The following SLC43A3 variants were observed in gnomAD, a reference collection of about 807,000 sequenced individuals.
SLC43A3 encodes the protein equilibrative nucleobase transporter 1.
In SLC43A3, 33 loss-of-function variants were observed where a neutral mutation model predicts 53.3. That is an observed-to-expected ratio of 0.62 (90% confidence interval 0.47 to 0.83). The LOEUF (loss-of-function observed/expected upper bound fraction) is 0.83, where lower values mean the gene tolerates loss of function less well. Among genes scored for constraint, SLC43A3 ranks in the 40% least tolerant of loss-of-function variants. The pLI, the probability that SLC43A3 is intolerant of heterozygous loss-of-function variation, is 0.00. For synonymous variants in SLC43A3, 236 were observed against 246.2 expected, an observed-to-expected ratio of 0.96 and a Z score of 0.39; for missense variants, 530 against 610.0, an observed-to-expected ratio of 0.87 and a Z score of 1.38.
chr11:57,409,005 T>C (rs1942329542), intron 13 of SLC43A3, among the ~76,000 whole-genome samples, 170 bp downstream of exon 13: 1 of 152,214 alleles, frequency 6.6e-6, no homozygotes, highest in African/African-American at 2.4e-5. Flanking sequence ...TACTCCAGAA[T>C]GTCTGTTTCC....
Position 57,410,116 on chromosome 11 carries a change from A to G in SLC43A3, c.1066T>C (p.Ser356Pro). ...YQKEARKTGS[S>P]TLAVALCSTV... is the part of the protein sequence containing the mutation. ...GAGCAGAGGGCCACCGCCAAAGTGG[A>G]GGAACCTGGGCGAACAGAGAGGAAA... Residue 356 changes from serine to proline, a missense_variant, in exon 12 of 14, where the codon TCC (serine) becomes CCC (proline). By Grantham distance (74) the Ser-to-Pro change is moderately conservative. This residue lies in a region of SLC43A3 where 376 missense variants were observed against 386.7 expected (regional missense o/e 0.97). Transcript: ENST00000395124. The G allele has an allele frequency of 1.3e-6, 2 of 1,599,658 alleles. No homozygotes were observed. Among genetic ancestry groups the G allele is most frequent in the African/African-American group, 2.7e-5 (2 of 74,790 alleles).
chr11:57,411,472 A>AG, intron 11 of SLC43A3, among the ~76,000 whole-genome samples: 1 of 1,316 alleles, frequency 7.6e-4, no homozygotes, highest in African/African-American at 3.1e-3. Flanking sequence ...CTTCCTCTAC[A>AG]AAAAAAAAAA....
chr11:57,416,691 C>G, intron 8 of SLC43A3, 21 bp from the exon 9 acceptor site: 1 of 1,595,020 alleles, frequency 6.3e-7, no homozygotes, highest in South Asian at 1.1e-5. Flanking sequence ...AAAAGCCCCA[C>G]CAGCAAGGCC....
chr11:57,416,580 C>T lies in SLC43A3; in HGVS notation c.762G>A (p.Ala254=), dbSNP rs368167010. Residue 254 remains alanine, a synonymous_variant, in exon 9 of 14, where the codon GCG becomes GCA. Transcript: ENST00000395124. ...TTAGCCAGCAGGGCTCACCTTCCTTCGCTGAAAGGAACTCCTTTGACTGTA... is the reference window on the plus strand; with the variant it reads ...TTAGCCAGCAGGGCTCACCTTCCTTTGCTGAAAGGAACTCCTTTGACTGTA... The part of the protein sequence containing the change: ...RELQSKEFLS[A]KEETPGAGQK... 11 of 1,613,064 alleles carry T rather than the reference C, an allele frequency of 6.8e-6. No individual in the cohort carries two copies. The African/African-American group carries it at 8.0e-5, about 12-fold the overall frequency.
intron 3 of SLC43A3, 141 bp from the exon 4 acceptor site, chr11:57,425,811 AC>A (rs1326549443): frequency 9.1e-6 from 13 of 1,426,756 alleles, no homozygotes; most frequent in Non-Finnish European, 1.9e-6. Flanking sequence ...GCCCCTAATT[AC>A]CCCTCAGGAG....
At chr11:57,417,041 T>A (rs1942755331) in intron 8 of SLC43A3, among the ~76,000 whole-genome samples, 1 of 152,240 alleles carries the variant, frequency 6.6e-6, no homozygotes, top group Non-Finnish European at 1.5e-5. Flanking sequence ...GAGATAAGGA[T>A]ATCTCAGAGG....
intron 4 of SLC43A3, among the ~76,000 whole-genome samples, 158 bp downstream of exon 4, chr11:57,425,383 T>C (rs1943166571): frequency 6.6e-6 from 1 of 152,168 alleles, no homozygotes; most frequent in South Asian, 2.1e-4. Context: ...AGAGTCCCGC[T>C]GCCTGGGGCT....
At position 57,407,780 on chromosome 11, in the gene SLC43A3, A is replaced by C. The variant is rs1381023677; in HGVS notation, c.*12T>G. On this transcript the variant is annotated 3_prime_UTR_variant, in exon 14 of 14. Transcript: ENST00000395124. Reference sequence around the variant, plus strand: ...AAACCATCCTCGGGGCTGAAAAGTGAGGGCTTCTGAACTATGCAATTGCAG... The same window carrying C: ...AAACCATCCTCGGGGCTGAAAAGTGCGGGCTTCTGAACTATGCAATTGCAG... The C allele has an allele frequency of 6.4e-7, 1 of 1,552,028 alleles. No individual in the cohort carries two copies. The highest frequency in any genetic ancestry group is 8.9e-7 in the Non-Finnish European group (1 of 1,124,244).
chr11:57,417,236 G>A (rs1942761629), intron 8 of SLC43A3, among the ~76,000 whole-genome samples: 1 of 152,198 alleles, frequency 6.6e-6, no homozygotes, highest in East Asian at 1.9e-4. Flanking sequence ...CCCTGAATCT[G>A]GGCCAGCCTT....
chr11:57,410,882 G>A (rs1399024763), intron 11 of SLC43A3, among the ~76,000 whole-genome samples: 1 of 152,074 alleles, frequency 6.6e-6, no homozygotes, highest in African/African-American at 2.4e-5. Context: ...GTTTATCAGG[G>A]GTTTCCACTT....
Position 57,410,052 on chromosome 11 carries a change from A to G in SLC43A3, c.1130T>C (p.Leu377Pro), listed in dbSNP as rs775468779. 1 of 1,612,594 alleles carries G rather than the reference A, an allele frequency of 6.2e-7. No homozygotes were observed. The highest frequency in any genetic ancestry group is 1.1e-5 in the South Asian group (1 of 90,410). ...GACTGAGGCACAGAGGGCGAAGCCC[A>G]GGCACAGCAGGGATGTCAGGGCCAG... Reference protein sequence around the residue: ...PSLALTSLLCLGFALCASVPI... With the variant: ...PSLALTSLLCPGFALCASVPI... Residue 377 changes from leucine to proline, a missense_variant, in exon 12 of 14, where the codon CTG becomes CCG. Physicochemically the swap from Leu to Pro is moderately conservative, Grantham distance 98 (BLOSUM62 -3). Transcript: ENST00000395124.
At chr11:57,415,134 GA>G in intron 9 of SLC43A3, 28 bp from the exon 10 acceptor site, 1 of 1,590,172 alleles carries the variant, frequency 6.3e-7, no homozygotes, top group Non-Finnish European at 8.6e-7. Flanking sequence ...ATCTGGGCGT[GA>G]ATTACGAGGA....
intron 8 of SLC43A3, 37 bp downstream of exon 8, chr11:57,417,711 G>A (rs1340755505): frequency 4.3e-6 from 7 of 1,612,374 alleles, no homozygotes; most frequent in Non-Finnish European, 5.9e-6. Flanking sequence ...TAGGGCCAAT[G>A]AGGGGCTCTG....
At chr11:57,411,698 G>A (rs1440462438) in intron 11 of SLC43A3, among the ~76,000 whole-genome samples, 1 of 151,692 alleles carries the variant, frequency 6.6e-6, no homozygotes, top group Non-Finnish European at 1.5e-5. Flanking sequence ...CAATTTGACT[G>A]TACATCTCTA....
rs1392446865 is a variant in SLC43A3, at chr11:57,407,163, T to C, written c.*629A>G. 1 of 152,406 alleles carries C rather than the reference T, an allele frequency of 6.6e-6. No homozygotes were observed. Among genetic ancestry groups the C allele is most frequent in the Admixed American group, 6.5e-5 (1 of 15,320 alleles). 9.4% of individuals were successfully genotyped at this position (152,406 alleles called of 1,614,324 possible). Reference sequence around the variant, plus strand: ...ACTATTCCTAAAACCTTCTAGGACATCTGCTCCAGGAAGAACTTTCAACAC... The same window carrying C: ...ACTATTCCTAAAACCTTCTAGGACACCTGCTCCAGGAAGAACTTTCAACAC... On this transcript the variant is annotated 3_prime_UTR_variant, in exon 14 of 14. Transcript: ENST00000395124.
intron 5 of SLC43A3, 22 bp from the exon 6 acceptor site, chr11:57,421,395 T>C (rs182419339): frequency 1.2e-6 from 2 of 1,603,638 alleles, no homozygotes; most frequent in Non-Finnish European, 1.7e-6. Context: ...AAGTCAGAGG[T>C]AGGGTGGTGT....
At chr11:57,410,154 G>A (rs1314068248) in intron 11 of SLC43A3, 33 bp from the exon 12 acceptor site, 2 of 1,527,386 alleles carry the variant, frequency 1.3e-6, no homozygotes, top group Non-Finnish European at 1.8e-6. Flanking sequence ...GAAGCTCTCT[G>A]TAGGCCAACC....
chr11:57,425,852 A>C, intron 3 of SLC43A3, 137 bp downstream of exon 3: 2 of 1,344,942 alleles, frequency 1.5e-6, no homozygotes, highest in South Asian at 2.7e-5. Flanking sequence ...CACTTCCCAG[A>C]TCAAGTGGGG....
intron 11 of SLC43A3, among the ~76,000 whole-genome samples, chr11:57,411,370 G>A (rs902409016): frequency 6.6e-6 from 1 of 150,432 alleles, no homozygotes; most frequent in Non-Finnish European, 1.5e-5. Flanking sequence ...CCAGTGTGGT[G>A]GCTCACACCC....
Sources: gnomAD v4.1 joint callset for allele counts (sites outside exome capture counted in the v4.1 genomes callset) on GRCh38, gnomAD v4.1.1 for gene constraint, gnomAD v4.1.1 regional missense constraint, MANE v1.5 for transcripts, NCBI Gene and HGNC (gene_info 2026-07-23, HGNC 2026-07-21) for gene names.